CSTF3: variants seen among roughly 807,000 people sequenced by gnomAD.
CSTF3 encodes the protein CF-1 77 kDa subunit.
CSTF3 carries 29 observed loss-of-function variants against 105.8 expected under a neutral mutation model. The ratio of observed to expected loss-of-function variants is 0.27; its 90% confidence interval spans 0.20 to 0.37. The LOEUF (loss-of-function observed/expected upper bound fraction) is 0.37, where lower values mean the gene tolerates loss of function less well. CSTF3 is among the 10% of genes least tolerant of loss of function. The pLI is 1.00. For synonymous variants in CSTF3, 252 were observed against 281.9 expected (o/e 0.89, Z 1.06); for missense variants, 357 against 879.3 (o/e 0.41, Z 7.51).
chr11:33,157,046 G>C (rs1463011747), intron 1 of CSTF3, among the ~76,000 whole-genome samples: 2 of 151,522 alleles, frequency 1.3e-5, no homozygotes, highest in Non-Finnish European at 2.9e-5. Context: ...AGTTGAATCA[G>C]GCATTAAAAA....
chr11:33,142,458 A>C (rs1855724813), intron 1 of CSTF3, among the ~76,000 whole-genome samples: 1 of 152,216 alleles, frequency 6.6e-6, no homozygotes, highest in Non-Finnish European at 1.5e-5. Flanking sequence ...ACAATCCCCC[A>C]CAGATACTGA....
intron 3 of CSTF3, among the ~76,000 whole-genome samples, chr11:33,132,172 A>C (rs1481237576): frequency 6.6e-6 from 1 of 152,130 alleles, no homozygotes; most frequent in Non-Finnish European, 1.5e-5. Context: ...TTCTGCATAT[A>C]TCCTTTATAG....
intron 18 of CSTF3, among the ~76,000 whole-genome samples, chr11:33,086,513 C>G (rs1472661307): frequency 6.6e-6 from 1 of 151,954 alleles, no homozygotes; most frequent in Non-Finnish European, 1.5e-5. Context: ...TCTTGGCTCA[C>G]TGCAACCTCC....
intron 3 of CSTF3, among the ~76,000 whole-genome samples, chr11:33,134,208 A>G (rs1394560727): frequency 6.6e-6 from 1 of 152,242 alleles, no homozygotes; most frequent in Non-Finnish European, 1.5e-5. Flanking sequence ...ATAAAGTTAC[A>G]AATGCATTAC....
chr11:33,085,814 C>A (rs760546736), intron 19 of CSTF3, 41 bp from the exon 20 acceptor site: 1 of 1,598,286 alleles, frequency 6.3e-7, no homozygotes, highest in South Asian at 1.1e-5. Flanking sequence ...AGTAATCTGA[C>A]AAGTTAAAGT....
At position 33,154,583 on chromosome 11, in the gene CSTF3, G is replaced by A. The variant is rs527442185; in HGVS notation, c.27+6716C>T. ...TGTACCTTGGCTCACTGCAACCTCC[G>A]ACTCCCGGGTTCAAGTGATTATCCT... On this transcript the variant is annotated intron_variant, in intron 1 of 20. Transcript: ENST00000323959. Among the ~76,000 whole-genome samples, 7 of 139,128 alleles carry A rather than the reference G, an allele frequency of 5.0e-5. No homozygotes were observed. The South Asian group carries it at 9.4e-4, about 19-fold the overall frequency. The allele number at this position is 139,128 out of a possible 152,430, so 91.3% of individuals were successfully genotyped here.
At chr11:33,104,628 G>A (rs1393698230) in intron 8 of CSTF3, among the ~76,000 whole-genome samples, 1 of 152,080 alleles carries the variant, frequency 6.6e-6, no homozygotes, top group Non-Finnish European at 1.5e-5. Flanking sequence ...GCTTGAGAGT[G>A]GTGGGGCATG....
At chr11:33,157,044 C>G (rs1412720492) in intron 1 of CSTF3, among the ~76,000 whole-genome samples, 1 of 151,602 alleles carries the variant, frequency 6.6e-6, no homozygotes, top group Non-Finnish European at 1.5e-5. Context: ...AAAGTTGAAT[C>G]AGGCATTAAA....
intron 10 of CSTF3, among the ~76,000 whole-genome samples, chr11:33,101,253 A>G (rs1006829991): frequency 2.6e-5 from 4 of 152,226 alleles, no homozygotes; most frequent in Non-Finnish European, 5.9e-5. Context: ...GGAGAAAGCC[A>G]GATCCCGAAA....
intron 15 of CSTF3, among the ~76,000 whole-genome samples, chr11:33,095,554 G>A (rs1855211510): frequency 6.6e-6 from 1 of 152,042 alleles, no homozygotes; most frequent in Non-Finnish European, 1.5e-5. Context: ...GGGCGCGGTG[G>A]CTCACGCCTG....
Position 33,108,377 on chromosome 11 carries a change from A to G in CSTF3, c.258+9T>C. 1 of 1,487,242 alleles carries G rather than the reference A, an allele frequency of 6.7e-7. No homozygotes were observed. Among genetic ancestry groups the G allele is most frequent in the Admixed American group, 2.2e-5 (1 of 45,012 alleles). 92.1% of individuals were successfully genotyped at this position (1,487,242 alleles called of 1,614,324 possible). ...TTCAATATAAAATTCAAAGTATTTGAGGACTCACCTTTTCAACCTTGTCAT... is the reference window on the plus strand; with the variant it reads ...TTCAATATAAAATTCAAAGTATTTGGGGACTCACCTTTTCAACCTTGTCAT... On this transcript the variant is annotated intron_variant, in intron 4 of 20. Coordinates refer to ENST00000323959, the MANE Select transcript of CSTF3 (RefSeq NM_001326.3).
At chr11:33,094,164 C>T (rs984407997) in intron 15 of CSTF3, among the ~76,000 whole-genome samples, 11 of 152,180 alleles carry the variant, frequency 7.2e-5, no homozygotes, top group Non-Finnish European at 1.3e-4. Context: ...TTAATGATCA[C>T]CACCCTCATC....
At chr11:33,104,970 A>G (rs922406170) in intron 8 of CSTF3, among the ~76,000 whole-genome samples, 2 of 152,158 alleles carry the variant, frequency 1.3e-5, no homozygotes, top group African/African-American at 4.8e-5. Context: ...GCTGGTCTCA[A>G]ACTACTGGGC....
chr11:33,139,298 G>A (rs574903442), intron 3 of CSTF3, among the ~76,000 whole-genome samples: 2 of 151,854 alleles, frequency 1.3e-5, no homozygotes, highest in East Asian at 3.9e-4. Flanking sequence ...AGAATATAAA[G>A]AAATGAACAT....
At chr11:33,125,160 T>C (rs1014364581) in intron 3 of CSTF3, among the ~76,000 whole-genome samples, 3 of 152,186 alleles carry the variant, frequency 2.0e-5, no homozygotes, top group Admixed American at 6.5e-5. Flanking sequence ...CACTATCAAT[T>C]TGTGTCTCAG....
At position 33,140,011 on chromosome 11, in the gene CSTF3, A is replaced by G. The variant is rs1855694251; in HGVS notation, c.225+1656T>C. ...TGCCTATTTCAGTTTAACTTACGCTATAATAAAATGCATGAATAATGCCTG... is the reference window on the plus strand; with the variant it reads ...TGCCTATTTCAGTTTAACTTACGCTGTAATAAAATGCATGAATAATGCCTG... On this transcript the variant is annotated intron_variant, in intron 3 of 20. Transcript: ENST00000323959. Among the ~76,000 whole-genome samples the G allele has an allele frequency of 1.3e-5, 2 of 152,116 alleles. 1 individual carries two copies. Among genetic ancestry groups the G allele is most frequent in the South Asian group, 4.1e-4 (2 of 4,838 alleles).
chr11:33,086,339 G>C (rs552706192), intron 18 of CSTF3, among the ~76,000 whole-genome samples: 1 of 152,146 alleles, frequency 6.6e-6, no homozygotes, highest in Non-Finnish European at 1.5e-5. Context: ...TGTTCAAAAA[G>C]AATCTAGAGA....
intron 10 of CSTF3, among the ~76,000 whole-genome samples, chr11:33,101,659 T>A (rs1006712412): frequency 6.6e-6 from 1 of 152,228 alleles, no homozygotes; most frequent in Admixed American, 6.5e-5. Flanking sequence ...CTTTACAATG[T>A]TTCATTTGTA....
At chr11:33,155,898 G>A (rs1278114881) in intron 1 of CSTF3, among the ~76,000 whole-genome samples, 1 of 152,046 alleles carries the variant, frequency 6.6e-6, no homozygotes, top group Non-Finnish European at 1.5e-5. Context: ...AATTGGTATG[G>A]GTAATTGTCC....
Sources: gnomAD v4.1 joint callset for allele counts (sites outside exome capture counted in the v4.1 genomes callset) on GRCh38, gnomAD v4.1.1 for gene constraint, MANE v1.5 for transcripts, NCBI Gene and HGNC (gene_info 2026-07-23, HGNC 2026-07-21) for gene names.